The following APBA1 variants were observed in gnomAD, a reference collection of about 807,000 sequenced individuals.
APBA1 encodes the protein amyloid-beta A4 precursor protein-binding family A member 1.
Under a neutral mutation model 86.6 loss-of-function variants are expected in APBA1, and 55 were observed. The ratio of observed to expected loss-of-function variants is 0.64; its 90% confidence interval spans 0.51 to 0.80. APBA1 has a LOEUF of 0.80. Among genes scored for constraint, APBA1 ranks in the 30% least tolerant of loss-of-function variants. The probability of loss-of-function intolerance (pLI) is 0.00; values close to 1 mark genes in which losing one functional copy is unlikely to be tolerated. For synonymous variants in APBA1, 511 were observed against 493.9 expected, an observed-to-expected ratio of 1.03 and a Z score of -0.46; for missense variants, 1,090 against 1,183.0, an observed-to-expected ratio of 0.92 and a Z score of 1.15.
chr9:69,632,976 C>T (rs111761247), intron 1 of APBA1, among the ~76,000 whole-genome samples: 17 of 151,894 alleles, frequency 1.1e-4, no homozygotes, highest in East Asian at 3.9e-4. Context: ...TAGCTCCCCC[C>T]CTGCTGGGTC....
intron 1 of APBA1, among the ~76,000 whole-genome samples, chr9:69,595,759 A>G (rs1321844116): frequency 6.6e-6 from 1 of 152,156 alleles, no homozygotes; most frequent in Non-Finnish European, 1.5e-5. Context: ...ACCCTGAGGG[A>G]ACTCAACAAT....
chr9:69,644,095 T>A (rs1823345301), intron 1 of APBA1, among the ~76,000 whole-genome samples: 1 of 152,216 alleles, frequency 6.6e-6, no homozygotes, highest in Non-Finnish European at 1.5e-5. Context: ...TGCTTTATTT[T>A]TCCTCAGAAC....
At chr9:69,564,620 G>A (rs542663763) in intron 1 of APBA1, among the ~76,000 whole-genome samples, 1 of 152,254 alleles carries the variant, frequency 6.6e-6, no homozygotes, top group East Asian at 1.9e-4. Flanking sequence ...AAAGAAGTAG[G>A]AGACATCACT....
At chr9:69,658,814 G>A (rs746152974) in intron 1 of APBA1, among the ~76,000 whole-genome samples, 8 of 151,950 alleles carry the variant, frequency 5.3e-5, no homozygotes, top group Non-Finnish European at 1.0e-4. Context: ...AGAAATACCT[G>A]AGAATTTATG....
intron 5 of APBA1, among the ~76,000 whole-genome samples, chr9:69,460,139 T>C (rs761522313): frequency 6.6e-6 from 1 of 152,204 alleles, no homozygotes; most frequent in Non-Finnish European, 1.5e-5. Context: ...TACCTCATTG[T>C]AGAGAAACTG....
chr9:69,518,162 T>C (rs919417553), intron 1 of APBA1, among the ~76,000 whole-genome samples: 1 of 152,174 alleles, frequency 6.6e-6, no homozygotes, highest in South Asian at 2.1e-4. Flanking sequence ...TAAAAAATAA[T>C]GCAAGTAAAA....
chr9:69,526,608 T>C, intron 1 of APBA1, among the ~76,000 whole-genome samples: 1 of 152,126 alleles, frequency 6.6e-6, no homozygotes, highest in Non-Finnish European at 1.5e-5. Context: ...GGAACATCTA[T>C]GCACTGTTGG....
At chr9:69,487,153 G>A (rs1013623319) in intron 2 of APBA1, among the ~76,000 whole-genome samples, 5 of 152,046 alleles carry the variant, frequency 3.3e-5, no homozygotes, top group African/African-American at 9.7e-5. Flanking sequence ...GAGGACTGAG[G>A]CAGGATCTCA....
chr9:69,615,566 G>A (rs866429653), intron 1 of APBA1, among the ~76,000 whole-genome samples: 1 of 152,300 alleles, frequency 6.6e-6, no homozygotes, highest in South Asian at 2.1e-4. Flanking sequence ...TCTGAAGTAT[G>A]CCTTGATCTG....
intron 1 of APBA1, among the ~76,000 whole-genome samples, chr9:69,618,197 C>T (rs547017478): frequency 2.0e-5 from 3 of 152,134 alleles, no homozygotes; most frequent in African/African-American, 4.8e-5. Flanking sequence ...ACAGCTCAGG[C>T]ACTCTGGTAA....
At chr9:69,626,940 T>A (rs1417596266) in intron 1 of APBA1, among the ~76,000 whole-genome samples, 3 of 152,098 alleles carry the variant, frequency 2.0e-5, no homozygotes, top group Non-Finnish European at 4.4e-5. Flanking sequence ...CGAGTTATTA[T>A]TTTAAATAAT....
At chr9:69,538,278 A>T (rs929938763) in intron 1 of APBA1, among the ~76,000 whole-genome samples, 2 of 152,204 alleles carry the variant, frequency 1.3e-5, no homozygotes, top group Non-Finnish European at 2.9e-5. Context: ...TTGCACCTAA[A>T]ATGCCTGCAC....
intron 1 of APBA1, among the ~76,000 whole-genome samples, chr9:69,654,072 A>G (rs1489819730): frequency 6.9e-6 from 1 of 145,812 alleles, no homozygotes; most frequent in Non-Finnish European, 1.5e-5. Context: ...AGATCACACC[A>G]TTGCACTCCA....
chr9:69,646,613 T>C (rs1258665611), intron 1 of APBA1, among the ~76,000 whole-genome samples: 2 of 152,146 alleles, frequency 1.3e-5, no homozygotes, highest in Non-Finnish European at 2.9e-5. Context: ...CACCTCTGTC[T>C]GCCCACAGAA....
intron 1 of APBA1, among the ~76,000 whole-genome samples, chr9:69,656,718 AG>A (rs1823619186): frequency 6.6e-6 from 1 of 152,264 alleles, no homozygotes; most frequent in South Asian, 2.1e-4. Context: ...TCACTATTCA[AG>A]TTACATCGCA....
chr9:69,645,536 G>A (rs533196212), intron 1 of APBA1, among the ~76,000 whole-genome samples: 20 of 152,326 alleles, frequency 1.3e-4, no homozygotes, highest in African/African-American at 4.6e-4. Context: ...CTAGAGACTT[G>A]CTTGCCCAGT....
chr9:69,483,884 A>G (rs2133849536), intron 2 of APBA1, among the ~76,000 whole-genome samples: 1 of 152,218 alleles, frequency 6.6e-6, no homozygotes, highest in South Asian at 2.1e-4. Flanking sequence ...AGAAACACAC[A>G]CAACTTTTAT....
At chr9:69,445,915 T>G (rs1456226018) in intron 10 of APBA1, among the ~76,000 whole-genome samples, 7 of 152,092 alleles carry the variant, frequency 4.6e-5, no homozygotes, top group Non-Finnish European at 4.4e-5. Context: ...AATGCAGAAT[T>G]CCACCCTATA....
intron 3 of APBA1, among the ~76,000 whole-genome samples, chr9:69,474,851 A>C (rs1038842107): frequency 4.6e-5 from 7 of 152,248 alleles, no homozygotes; most frequent in Non-Finnish European, 8.8e-5. Flanking sequence ...ATTTTAACTA[A>C]GACTCCCTTT....
Sources: allele counts gnomAD v4.1 joint callset (sites outside exome capture counted in the v4.1 genomes callset), GRCh38; gene constraint gnomAD v4.1.1; transcripts MANE v1.5; gene names NCBI Gene and HGNC (gene_info 2026-07-23, HGNC 2026-07-21).